The following ZFHX3 variants were observed in gnomAD, a reference collection of about 807,000 sequenced individuals.
ZFHX3 encodes zinc finger homeobox 3, also known as zinc finger homeobox protein 3.
Under a neutral mutation model 279.1 loss-of-function variants are expected in ZFHX3, and 42 were observed. That is an observed-to-expected ratio of 0.15 (90% CI 0.12 to 0.19). The LOEUF (loss-of-function observed/expected upper bound fraction) is 0.19, where lower values mean the gene tolerates loss of function less well. Among genes scored for constraint, ZFHX3 ranks in the 10% least tolerant of loss-of-function variants. The probability of loss-of-function intolerance (pLI) is 1.00; values close to 1 mark genes in which losing one functional copy is unlikely to be tolerated. For missense variants in ZFHX3, 4,981 were observed against 4,754.0 expected, an observed-to-expected ratio of 1.05 and a Z score of -1.40; for synonymous variants, 2,293 against 1,957.8, an observed-to-expected ratio of 1.17 and a Z score of -4.52.
chr16:72,960,685 C>A (rs1348434195), intron 1 of ZFHX3, among the ~76,000 whole-genome samples: 1 of 152,090 alleles, frequency 6.6e-6, no homozygotes, highest in Non-Finnish European at 1.5e-5. Context: ...GGTTCAATGT[C>A]CCTGGAAAAA....
rs560386638 is a variant in ZFHX3 at position 73,651,901 on chromosome 16, G to A, written c.-1547+28279C>T. Among the ~76,000 whole-genome samples the A allele has an allele frequency of 3.1e-4, 46 of 150,306 alleles. 2 individuals are homozygous for A. The South Asian group carries it at 7.8e-3, about 25-fold the overall frequency. On this transcript the variant is annotated intron_variant, in intron 2 of 17. Transcript: ENST00000641206. ...AAATTGACTGGACATCTGACATCTT[G>A]ATAGCCACAATGGAAGTCAAAAGAC...
chr16:73,462,105 A>G (rs1041648237), intron 2 of ZFHX3, among the ~76,000 whole-genome samples: 1 of 150,718 alleles, frequency 6.6e-6, no homozygotes, highest in Admixed American at 6.6e-5. Flanking sequence ...ACACCTGCGT[A>G]TTTTTTTTTA....
At chr16:73,861,421 T>C (rs1037019525) in intron 1 of ZFHX3, among the ~76,000 whole-genome samples, 24 of 152,244 alleles carry the variant, frequency 1.6e-4, no homozygotes, top group African/African-American at 5.5e-4. Flanking sequence ...CAAAGAAATA[T>C]GGGGAGGTTA....
intron 1 of ZFHX3, among the ~76,000 whole-genome samples, chr16:73,729,736 T>G (rs1259986863): frequency 1.3e-5 from 2 of 152,172 alleles, no homozygotes; most frequent in Non-Finnish European, 2.9e-5. Context: ...GTGTTTAATG[T>G]CTTCTCACAC....
intron 4 of ZFHX3, among the ~76,000 whole-genome samples, chr16:73,264,950 A>G (rs952276728): frequency 6.6e-6 from 1 of 151,498 alleles, no homozygotes; most frequent in Non-Finnish European, 1.5e-5. Context: ...TTTTACATAT[A>G]TATATATGTG....
chr16:72,890,253 G>A (rs2038738950), intron 3 of ZFHX3, among the ~76,000 whole-genome samples: 1 of 152,196 alleles, frequency 6.6e-6, no homozygotes, highest in South Asian at 2.1e-4. Flanking sequence ...GTTCTCATGA[G>A]ATCTGATAGT....
chr16:73,354,617 A>G (rs2016304603), intron 3 of ZFHX3, among the ~76,000 whole-genome samples: 2 of 152,152 alleles, frequency 1.3e-5, no homozygotes, highest in Non-Finnish European at 2.9e-5. Context: ...GCCTGCGTGC[A>G]AGCTCTTTCT....
At chr16:72,961,992 G>A (rs576669319) in intron 1 of ZFHX3, among the ~76,000 whole-genome samples, 5 of 152,206 alleles carry the variant, frequency 3.3e-5, no homozygotes, top group Non-Finnish European at 5.9e-5. Flanking sequence ...AGACTGCAGG[G>A]CGGCTCTTCT....
At position 72,874,198 on chromosome 16, in the gene ZFHX3, A is replaced by ATTTTTTTTTTTTT. The variant is rs565664402; in HGVS notation, c.3448+15520_3448+15532dup. On this transcript the variant is annotated intron_variant, in intron 4 of 9. Transcript: ENST00000268489. The stretch of plus-strand genomic sequence containing the variant: ...TGGAGCTCAGATGGAGGATTTTTTG[A>ATTTTTTTTTTTTT]TTTTTTTTTTTTTTTTTTTTTTTTT... 4.6e-4 allele frequency among the ~76,000 whole-genome samples: 44 copies of ATTTTTTTTTTTTT among 95,136 alleles called. 7 individuals carry two copies. The highest frequency in any genetic ancestry group is 1.7e-3 in the African/African-American group (37 of 21,236). The allele number at this position is 95,136 out of a possible 152,430, so 62.4% of individuals were successfully genotyped here. A position where few individuals can be genotyped will look rare whatever the true frequency, so the allele number is the denominator to read the frequency against.
intron 2 of ZFHX3, among the ~76,000 whole-genome samples, chr16:73,644,771 A>C (rs2052603756): frequency 6.6e-6 from 1 of 151,928 alleles, no homozygotes; most frequent in East Asian, 1.9e-4. Context: ...AGCACCCTCA[A>C]CTCCTCCAAA....
At chr16:72,827,586 A>T (rs2036964643) in intron 5 of ZFHX3, among the ~76,000 whole-genome samples, 1 of 152,194 alleles carries the variant, frequency 6.6e-6, no homozygotes, top group South Asian at 2.1e-4. Context: ...TCACCTGGCG[A>T]TCTGTTTAAT....
At chr16:73,221,804 C>G (rs1445126252) in intron 5 of ZFHX3, among the ~76,000 whole-genome samples, 1 of 151,984 alleles carries the variant, frequency 6.6e-6, no homozygotes, top group African/African-American at 2.4e-5. Flanking sequence ...AATAAAAAGA[C>G]CCTCTATTGT....
intron 1 of ZFHX3, among the ~76,000 whole-genome samples, chr16:73,698,419 A>C (rs371777031): frequency 6.6e-6 from 1 of 152,190 alleles, no homozygotes; most frequent in South Asian, 2.1e-4. Flanking sequence ...CGGTGGGTGA[A>C]CATTTGAGTC....
intron 1 of ZFHX3, among the ~76,000 whole-genome samples, chr16:73,789,948 G>C (rs1959772197): frequency 6.6e-6 from 1 of 152,180 alleles, no homozygotes; most frequent in Admixed American, 6.5e-5. Context: ...TTGCCGTTCT[G>C]CCTCATTTAT....
intron 2 of ZFHX3, among the ~76,000 whole-genome samples, chr16:73,594,921 T>C (rs2052033630): frequency 6.6e-6 from 1 of 152,196 alleles, no homozygotes. Context: ...TCTTTAACCA[T>C]GTGGGAAGCC....
intron 2 of ZFHX3, among the ~76,000 whole-genome samples, chr16:73,549,715 G>T (rs2020175120): frequency 1.3e-5 from 2 of 152,110 alleles, no homozygotes; most frequent in African/African-American, 4.8e-5. Flanking sequence ...AATGCCCCGG[G>T]TCTCCTTAAC....
intron 4 of ZFHX3, among the ~76,000 whole-genome samples, chr16:73,264,787 T>C (rs959320770): frequency 6.6e-6 from 1 of 152,072 alleles, no homozygotes; most frequent in Non-Finnish European, 1.5e-5. Flanking sequence ...CTTATGCCTT[T>C]GCATCCTCAG....
At chr16:73,671,881 T>G (rs4243136) in intron 2 of ZFHX3, among the ~76,000 whole-genome samples, 1 of 151,924 alleles carries the variant, frequency 6.6e-6, no homozygotes, top group Admixed American at 6.5e-5. Flanking sequence ...TTAACCTATA[T>G]ACATCTCTCT....
At chr16:73,524,729 A>G (rs1436127069) in intron 2 of ZFHX3, among the ~76,000 whole-genome samples, 6 of 152,224 alleles carry the variant, frequency 3.9e-5, no homozygotes, top group African/African-American at 1.2e-4. Flanking sequence ...AAACCTCTAG[A>G]TGCGACTCTT....
Sources: gnomAD v4.1 joint callset for allele counts (sites outside exome capture counted in the v4.1 genomes callset) on GRCh38, gnomAD v4.1.1 for gene constraint, MANE v1.5 for transcripts, NCBI Gene and HGNC (gene_info 2026-07-23, HGNC 2026-07-21) for gene names.